Variants in PDE1A observed in about 807,000 individuals in gnomAD.
PDE1A encodes phosphodiesterase 1A.
PDE1A carries 35 observed loss-of-function variants against 61.7 expected under a neutral mutation model. That is an observed-to-expected ratio of 0.57 (90% confidence interval 0.43 to 0.75). PDE1A has a LOEUF of 0.75. Among genes scored for constraint, PDE1A ranks in the 30% least tolerant of loss-of-function variants. PDE1A has a pLI of 0.00. For synonymous variants in PDE1A, 232 were observed against 213.2 expected, an observed-to-expected ratio of 1.09 and a Z score of -0.77; for missense variants, 597 against 630.6, an observed-to-expected ratio of 0.95 and a Z score of 0.57.
intron 1 of PDE1A, among the ~76,000 whole-genome samples, chr2:182,281,281 C>T (rs959368024): frequency 6.6e-6 from 1 of 151,894 alleles, no homozygotes; most frequent in Non-Finnish European, 1.5e-5. Context: ...TGGTTTTCTA[C>T]TGCAATTTGC....
intron 1 of PDE1A, among the ~76,000 whole-genome samples, chr2:182,366,917 C>T (rs921477384): frequency 1.3e-5 from 2 of 151,992 alleles, no homozygotes; most frequent in Admixed American, 6.6e-5. Context: ...TCGTCACAAG[C>T]TTGTATTAAA....
intron 2 of PDE1A, among the ~76,000 whole-genome samples, chr2:182,520,654 T>C (rs1019910813): frequency 9.2e-5 from 14 of 152,030 alleles, no homozygotes; most frequent in Non-Finnish European, 1.6e-4. Context: ...GACATATGCA[T>C]AAATCCACCA....
At chr2:182,389,618 A>G (rs1701308449) in intron 1 of PDE1A, among the ~76,000 whole-genome samples, 1 of 152,252 alleles carries the variant, frequency 6.6e-6, no homozygotes, top group Non-Finnish European at 1.5e-5. Context: ...AAGAGCTACT[A>G]TCAAAAAGAC....
chr2:182,561,655 C>A, the PDE1A span, among the ~76,000 whole-genome samples: 1 of 152,142 alleles, frequency 6.6e-6, no homozygotes, highest in African/African-American at 2.4e-5. Context: ...GCAGTATGGC[C>A]ATTTTCACGA....
exon 15 of PDE1A, chr2:182,141,838 T>C (rs1188964106): frequency 2.6e-5 from 4 of 152,230 alleles, no homozygotes; most frequent in Non-Finnish European, 5.9e-5. Context: ...TTTTTACCTT[T>C]CACAAAGATA....
At chr2:182,652,251 G>A in the PDE1A span, among the ~76,000 whole-genome samples, 1 of 152,134 alleles carries the variant, frequency 6.6e-6, no homozygotes, top group Admixed American at 6.5e-5. Context: ...GACTATAAGT[G>A]TTTTAAATAT....
At chr2:182,152,647 C>A (rs1241858137) in intron 13 of PDE1A, among the ~76,000 whole-genome samples, 1 of 152,078 alleles carries the variant, frequency 6.6e-6, no homozygotes, top group East Asian at 1.9e-4. Context: ...TCTTGAACTC[C>A]TGACCTCAGG....
chr2:182,420,579 TA>T (rs2125579251), intron 1 of PDE1A, among the ~76,000 whole-genome samples: 1 of 152,330 alleles, frequency 6.6e-6, no homozygotes, highest in African/African-American at 2.4e-5. Flanking sequence ...TTCAAGCCTA[TA>T]AGCAGCTGGT....
At chr2:182,174,281 C>T (rs1447819097) in intron 13 of PDE1A, among the ~76,000 whole-genome samples, 1 of 152,110 alleles carries the variant, frequency 6.6e-6, no homozygotes, top group Admixed American at 6.6e-5. Context: ...AGCCTGAAGC[C>T]ATTCAGCCTT....
the PDE1A span, among the ~76,000 whole-genome samples, chr2:182,584,148 G>T: frequency 3.3e-5 from 5 of 152,162 alleles, no homozygotes; most frequent in Admixed American, 6.5e-5. Context: ...GACTTAGAGA[G>T]ACTTCAATCT....
chr2:182,531,654 A>C, the PDE1A span, among the ~76,000 whole-genome samples: 1 of 152,228 alleles, frequency 6.6e-6, no homozygotes, highest in Admixed American at 6.5e-5. Context: ...ATTTTCTTCT[A>C]TAAGGAGAAG....
At chr2:182,676,658 A>G in the PDE1A span, among the ~76,000 whole-genome samples, 1 of 152,326 alleles carries the variant, frequency 6.6e-6, no homozygotes. Flanking sequence ...TGATATAAAA[A>G]TCATCAATAA....
intron 13 of PDE1A, among the ~76,000 whole-genome samples, chr2:182,152,693 T>C (rs1316500422): frequency 6.6e-6 from 1 of 152,186 alleles, no homozygotes; most frequent in African/African-American, 2.4e-5. Context: ...AGTGCTGGGA[T>C]TACAGGTGTG....
the PDE1A span, among the ~76,000 whole-genome samples, chr2:182,547,546 G>A: frequency 6.6e-6 from 1 of 152,194 alleles, no homozygotes; most frequent in African/African-American, 2.4e-5. Context: ...TTAACCAACA[G>A]TACTCAGTAA....
the PDE1A span, among the ~76,000 whole-genome samples, chr2:182,662,341 G>GAAAAAAAAAAAAAAAAAAAAAA: frequency 1.4e-5 from 2 of 137,976 alleles, no homozygotes; most frequent in African/African-American, 5.5e-5. Flanking sequence ...AAAAAAAAAA[G>GAAAAAAAAAAAAAAAAAAAAAA]AAAAAAAAAA....
At chr2:182,254,399 G>A (rs1418635488) in intron 2 of PDE1A, among the ~76,000 whole-genome samples, 3 of 152,192 alleles carry the variant, frequency 2.0e-5, no homozygotes, top group Non-Finnish European at 2.9e-5. Context: ...GATTCACTGA[G>A]TTCCAGCAAC....
At chr2:182,296,623 A>C (rs1178428141) in intron 1 of PDE1A, among the ~76,000 whole-genome samples, 1 of 152,198 alleles carries the variant, frequency 6.6e-6, no homozygotes, top group Non-Finnish European at 1.5e-5. Flanking sequence ...AGTGAGGAAC[A>C]CCTAGCAAAA....
At chr2:182,380,076 C>T (rs1056145853) in intron 1 of PDE1A, among the ~76,000 whole-genome samples, 23 of 151,416 alleles carry the variant, frequency 1.5e-4, no homozygotes, top group African/African-American at 2.7e-4. Flanking sequence ...TCCTCTTAAA[C>T]GCCAAGTCAT....
At chr2:182,229,232 ATTCTGG>A (rs1689373951) in intron 6 of PDE1A, among the ~76,000 whole-genome samples, 1 of 152,082 alleles carries the variant, frequency 6.6e-6, no homozygotes, top group Non-Finnish European at 1.5e-5. Flanking sequence ...AAATGATGAA[ATTCTGG>A]TTGCCTCCTA....
Sources: allele counts gnomAD v4.1 joint callset (sites outside exome capture counted in the v4.1 genomes callset), GRCh38; gene constraint gnomAD v4.1.1; transcripts MANE v1.5; gene names NCBI Gene and HGNC (gene_info 2026-07-23, HGNC 2026-07-21).